The following SLC10A7 variants were observed in gnomAD, a reference collection of about 807,000 sequenced individuals.
SLC10A7 encodes solute carrier family 10 member 7, also known as sodium/bile acid cotransporter 7.
In SLC10A7, 29 loss-of-function variants were observed where a neutral mutation model predicts 43.2. That is an observed-to-expected ratio of 0.67 (90% CI 0.50 to 0.92). The LOEUF (loss-of-function observed/expected upper bound fraction) is 0.92, where lower values mean the gene tolerates loss of function less well. SLC10A7 is among the 40% of genes least tolerant of loss of function. SLC10A7 has a pLI of 0.00. For synonymous variants in SLC10A7, 152 were observed against 144.8 expected, an observed-to-expected ratio of 1.05 and a Z score of -0.35; for missense variants, 295 against 403.2, an observed-to-expected ratio of 0.73 and a Z score of 2.30.
intron 4 of SLC10A7, among the ~76,000 whole-genome samples, chr4:146,485,662 T>C (rs985718729): frequency 1.3e-5 from 2 of 152,172 alleles, no homozygotes; most frequent in African/African-American, 4.8e-5. Flanking sequence ...TAAGTCCAGG[T>C]TCAGGATTTG....
chr4:146,515,020 T>G, intron 2 of SLC10A7: 2 of 661,152 alleles, frequency 3.0e-6, no homozygotes, highest in Non-Finnish European at 5.5e-6. Context: ...GCTGGATGAC[T>G]CTGAAGGTTT....
At chr4:146,422,999 A>T (rs1729066590) in intron 5 of SLC10A7, among the ~76,000 whole-genome samples, 1 of 152,152 alleles carries the variant, frequency 6.6e-6, no homozygotes, top group Non-Finnish European at 1.5e-5. Flanking sequence ...CATTGAAAGC[A>T]TTACCTTCAA....
intron 11 of SLC10A7, among the ~76,000 whole-genome samples, chr4:146,257,237 A>G (rs1022810401): frequency 6.6e-6 from 1 of 152,232 alleles, no homozygotes; most frequent in Non-Finnish European, 1.5e-5. Context: ...AAAAGAAAGA[A>G]AAAGTTACTG....
chr4:146,411,762 T>C (rs900857881), intron 5 of SLC10A7, among the ~76,000 whole-genome samples: 1 of 152,202 alleles, frequency 6.6e-6, no homozygotes. Context: ...TCTTGTTTTA[T>C]ACTGTCACTG....
chr4:146,294,456 C>A (rs1730645477), intron 7 of SLC10A7, among the ~76,000 whole-genome samples: 1 of 152,128 alleles, frequency 6.6e-6, no homozygotes, highest in Non-Finnish European at 1.5e-5. Context: ...GTCCCCTTTG[C>A]CTCAACAGAC....
intron 5 of SLC10A7, among the ~76,000 whole-genome samples, chr4:146,404,237 C>T (rs1739417071): frequency 6.6e-6 from 1 of 152,030 alleles, no homozygotes; most frequent in African/African-American, 2.4e-5. Context: ...CTAGGCTGGT[C>T]TCAAACTCCT....
At chr4:146,457,019 T>A (rs1732122391) in intron 4 of SLC10A7, among the ~76,000 whole-genome samples, 1 of 152,022 alleles carries the variant, frequency 6.6e-6, no homozygotes, top group African/African-American at 2.4e-5. Context: ...TTAAGTATTC[T>A]AGGCTCTGTG....
chr4:146,346,358 T>C (rs1046922110), intron 5 of SLC10A7, among the ~76,000 whole-genome samples: 2 of 152,132 alleles, frequency 1.3e-5, no homozygotes, highest in African/African-American at 4.8e-5. Flanking sequence ...ATGTGCAATA[T>C]GTGTAATGTA....
chr4:146,420,739 C>A (rs1728904225), intron 5 of SLC10A7, among the ~76,000 whole-genome samples: 1 of 151,900 alleles, frequency 6.6e-6, no homozygotes, highest in African/African-American at 2.4e-5. Flanking sequence ...TAAGAAGTTT[C>A]AACAGCTGGG....
intron 5 of SLC10A7, among the ~76,000 whole-genome samples, chr4:146,431,569 C>G (rs1729780014): frequency 6.6e-6 from 1 of 152,050 alleles, no homozygotes; most frequent in South Asian, 2.1e-4. Flanking sequence ...GTGACAGACA[C>G]ATAAACCTTA....
chr4:146,262,205 C>T (rs995024135), intron 10 of SLC10A7, among the ~76,000 whole-genome samples: 1 of 152,184 alleles, frequency 6.6e-6, no homozygotes, highest in Non-Finnish European at 1.5e-5. Context: ...CTACTTAGTA[C>T]ATCTTCAGTT....
chr4:146,368,199 A>G (rs72729839), intron 5 of SLC10A7, among the ~76,000 whole-genome samples: 6,968 of 152,288 alleles, frequency 0.046, 190 homozygotes, highest in Middle Eastern at 0.085. Flanking sequence ...ACTTTTTAGA[A>G]TAAAAAGAGG....
chr4:146,311,025 G>C (rs548018398), intron 6 of SLC10A7, among the ~76,000 whole-genome samples: 13 of 152,172 alleles, frequency 8.5e-5, no homozygotes, highest in Admixed American at 7.2e-4. Context: ...TGATTGGAGT[G>C]ACTGGTTTCT....
At chr4:146,258,930 T>TTA (rs1728048024) in intron 10 of SLC10A7, 93 bp from the exon 11 acceptor site, 2 of 1,346,980 alleles carry the variant, frequency 1.5e-6, no homozygotes. Flanking sequence ...TTGGAATAGG[T>TTA]TATTACCATA....
chr4:146,494,935 T>C (rs1445245985), intron 4 of SLC10A7, among the ~76,000 whole-genome samples: 1 of 152,198 alleles, frequency 6.6e-6, no homozygotes, highest in East Asian at 1.9e-4. Context: ...ACAAGTTTTA[T>C]AGCAGCTTAA....
intron 5 of SLC10A7, among the ~76,000 whole-genome samples, chr4:146,422,329 T>G (rs1405724113): frequency 3.3e-5 from 5 of 152,208 alleles, no homozygotes; most frequent in Non-Finnish European, 5.9e-5. Flanking sequence ...CCTTTAATTC[T>G]TGCATTTCAT....
chr4:146,375,450 A>G (rs1737122804), intron 5 of SLC10A7, among the ~76,000 whole-genome samples: 1 of 152,088 alleles, frequency 6.6e-6, no homozygotes, highest in Non-Finnish European at 1.5e-5. Context: ...GTTACTCCTA[A>G]ATGTTACTCC....
At chr4:146,267,068 T>G (rs1728604806) in intron 10 of SLC10A7, among the ~76,000 whole-genome samples, 1 of 152,076 alleles carries the variant, frequency 6.6e-6, no homozygotes, top group Admixed American at 6.6e-5. Context: ...ATGCCAAAGT[T>G]ACACAAAGAG....
chr4:146,387,437 A>G (rs1738092302), intron 5 of SLC10A7, among the ~76,000 whole-genome samples: 1 of 152,136 alleles, frequency 6.6e-6, no homozygotes, highest in African/African-American at 2.4e-5. Context: ...ATAAAAACTC[A>G]CAACAAATGA....
Sources: gnomAD v4.1 joint callset for allele counts (sites outside exome capture counted in the v4.1 genomes callset) on GRCh38, gnomAD v4.1.1 for gene constraint, MANE v1.5 for transcripts, NCBI Gene and HGNC (gene_info 2026-07-23, HGNC 2026-07-21) for gene names.